ADARB2: variants seen among roughly 807,000 people sequenced by gnomAD.
ADARB2 encodes the protein inactive double-stranded RNA-specific editase B2.
Under a neutral mutation model 62.2 loss-of-function variants are expected in ADARB2, and 25 were observed. That is an observed-to-expected ratio of 0.40 (90% CI 0.29 to 0.56). ADARB2 has a LOEUF of 0.56. Ranked by LOEUF, ADARB2 falls within the 20% of genes least tolerant of loss-of-function variation. The pLI is 0.43. For synonymous variants in ADARB2, 572 were observed against 500.8 expected (o/e 1.14, Z -1.90); for missense variants, 1,071 against 1,077.4 (o/e 0.99, Z 0.08).
chr10:1,324,183 G>A (rs1407176011), intron 3 of ADARB2, among the ~76,000 whole-genome samples: 2 of 152,238 alleles, frequency 1.3e-5, no homozygotes, highest in Non-Finnish European at 2.9e-5. Flanking sequence ...AAATGCAAAT[G>A]AAAACCACAC....
At chr10:1,462,593 G>A (rs1831190052) in intron 1 of ADARB2, among the ~76,000 whole-genome samples, 1 of 151,894 alleles carries the variant, frequency 6.6e-6, no homozygotes, top group African/African-American at 2.4e-5. Context: ...GTACATGAGT[G>A]TATGTGCATG....
At chr10:1,410,418 C>T (rs542806805) in intron 1 of ADARB2, among the ~76,000 whole-genome samples, 2 of 152,142 alleles carry the variant, frequency 1.3e-5, no homozygotes, top group East Asian at 3.9e-4. Flanking sequence ...AAGGTTTGGG[C>T]CAGAGGACTT....
At chr10:1,707,905 T>C (rs1834909608) in intron 1 of ADARB2, among the ~76,000 whole-genome samples, 1 of 152,118 alleles carries the variant, frequency 6.6e-6, no homozygotes, top group African/African-American at 2.4e-5. Flanking sequence ...GTGGGAGAGG[T>C]TGCAGGGGGC....
At position 1,351,469 on chromosome 10, in the gene ADARB2, C is replaced by CT. The variant is rs1339903640; in HGVS notation, c.1077+11558dup. On this transcript the variant is annotated intron_variant, in intron 3 of 9. Transcript: ENST00000381312. Reference sequence around the variant, plus strand: ...TTAGACAATACTCTTTTAAGTACTCCTTTTAGTTATCCCCACCTGCCCAGT... The same window carrying CT: ...TTAGACAATACTCTTTTAAGTACTCCTTTTTAGTTATCCCCACCTGCCCAGT... Among the ~76,000 whole-genome samples the CT allele has an allele frequency of 2.6e-3, 399 of 151,544 alleles. 1 individual carries two copies. Among genetic ancestry groups the CT allele is most frequent in the African/African-American group, 8.1e-3 (335 of 41,300 alleles).
At chr10:1,580,150 C>T (rs557553450) in intron 1 of ADARB2, among the ~76,000 whole-genome samples, 2 of 152,264 alleles carry the variant, frequency 1.3e-5, no homozygotes, top group African/African-American at 4.8e-5. Flanking sequence ...AGTACATGTA[C>T]GTGTTTGTTG....
At chr10:1,475,968 G>A (rs1010368837) in intron 1 of ADARB2, among the ~76,000 whole-genome samples, 1 of 152,166 alleles carries the variant, frequency 6.6e-6, no homozygotes, top group African/African-American at 2.4e-5. Flanking sequence ...TTTTGTCTTG[G>A]AGACAGTTAA....
Position 1,287,509 on chromosome 10 carries a change from G to A in ADARB2, c.1078-16440C>T, listed in dbSNP as rs184280237. ...CCCTCCTGTCTACCTGAAACCTCGC[G>A]TGCTCTGACGGACATCCTAGCCCCT... On this transcript the variant is annotated intron_variant, in intron 3 of 9. Transcript: ENST00000381312. Among the ~76,000 whole-genome samples, 22 of 152,184 alleles carry A rather than the reference G, an allele frequency of 1.4e-4. No individual in the cohort carries two copies. In the East Asian group the frequency reaches 3.3e-3, roughly 23 times the overall value.
intron 1 of ADARB2, among the ~76,000 whole-genome samples, chr10:1,620,447 A>C (rs1033931156): frequency 1.3e-5 from 2 of 152,220 alleles, no homozygotes; most frequent in African/African-American, 4.8e-5. Flanking sequence ...AAATAAAAAA[A>C]CTACAAAAAT....
At chr10:1,531,805 C>A (rs561423126) in intron 1 of ADARB2, among the ~76,000 whole-genome samples, 24 of 152,102 alleles carry the variant, frequency 1.6e-4, no homozygotes, top group Non-Finnish European at 3.5e-4. Context: ...CCACTGCACT[C>A]CAGCCTGGGT....
At chr10:1,224,137 C>T (rs1830722012) in intron 6 of ADARB2, among the ~76,000 whole-genome samples, 1 of 152,100 alleles carries the variant, frequency 6.6e-6, no homozygotes, top group Non-Finnish European at 1.5e-5. Flanking sequence ...TCAGCTTCTT[C>T]CTTGTTTAGT....
At chr10:1,542,821 C>T (rs12761485) in intron 1 of ADARB2, among the ~76,000 whole-genome samples, 37 of 62,134 alleles carry the variant, frequency 6.0e-4, no homozygotes, top group East Asian at 2.6e-3. Flanking sequence ...CACTCAGACG[C>T]AGTTCAGACC....
At chr10:1,331,336 AAGT>A (rs1355751464) in intron 3 of ADARB2, among the ~76,000 whole-genome samples, 2 of 152,246 alleles carry the variant, frequency 1.3e-5, no homozygotes, top group African/African-American at 2.4e-5. Flanking sequence ...AATAGACAAA[AAGT>A]AGAAATGACC....
chr10:1,736,691 T>C (rs1835306310), intron 1 of ADARB2, among the ~76,000 whole-genome samples: 1 of 152,180 alleles, frequency 6.6e-6, no homozygotes, highest in Non-Finnish European at 1.5e-5. Flanking sequence ...CCTTTGGCAC[T>C]GGGAGACGAG....
intron 3 of ADARB2, among the ~76,000 whole-genome samples, chr10:1,286,987 C>T (rs1215175597): frequency 6.6e-6 from 1 of 152,212 alleles, no homozygotes; most frequent in Non-Finnish European, 1.5e-5. Context: ...CCACGTGCCT[C>T]ATCCTTCAAA....
Position 1,179,356 on chromosome 10 carries a change from G to A in ADARB2, c.*3837C>T, listed in dbSNP as rs1389165406. On this transcript the variant is annotated 3_prime_UTR_variant, in exon 10 of 10. Transcript: ENST00000381312. ...GGACTCATCACAAAGTCAGCATGGT[G>A]TGATAGATATATACAGATGTAAAGA... The A allele has an allele frequency of 2.0e-5, 3 of 152,242 alleles. No homozygotes were observed. Among genetic ancestry groups the A allele is most frequent in the East Asian group, 1.9e-4 (1 of 5,204 alleles). 9.4% of individuals were successfully genotyped at this position (152,242 alleles called of 1,614,324 possible). A position where few individuals can be genotyped will look rare whatever the true frequency, so the allele number is the denominator to read the frequency against.
At chr10:1,593,920 T>C (rs958182695) in intron 1 of ADARB2, among the ~76,000 whole-genome samples, 2 of 152,158 alleles carry the variant, frequency 1.3e-5, no homozygotes, top group Non-Finnish European at 2.9e-5. Flanking sequence ...GCCCATCTCA[T>C]GGGATTCGGA....
intron 1 of ADARB2, among the ~76,000 whole-genome samples, chr10:1,408,947 G>C (rs933419382): frequency 6.6e-6 from 1 of 152,194 alleles, no homozygotes; most frequent in Admixed American, 6.5e-5. Flanking sequence ...GGCTGGCCGG[G>C]TTGTGTTCCA....
At position 1,363,577 on chromosome 10, in the gene ADARB2, C is replaced by T. The variant is rs1832282962; in HGVS notation, c.528G>A (p.Lys176=). The T allele has an allele frequency of 1.3e-5, 20 of 1,586,218 alleles. No homozygotes were observed. Among genetic ancestry groups the T allele is most frequent in the Non-Finnish European group, 1.7e-5 (20 of 1,166,760 alleles). ...TFEGTGPTKK[K]AKMRAAELAL... is the part of the protein sequence containing the mutation. ...CCAGCTCCGCCGCGCGCATCTTGGC[C>T]TTCTTCTTGGTGGGGCCTGTGCCCT... Residue 176 remains lysine (K), a synonymous_variant, in exon 3 of 10, where the codon AAG becomes AAA. Transcript: ENST00000381312.
chr10:1,192,605 G>T (rs796321850), intron 8 of ADARB2, among the ~76,000 whole-genome samples: 51 of 152,352 alleles, frequency 3.3e-4, no homozygotes, highest in African/African-American at 1.1e-3. Context: ...AGATGGTAGG[G>T]TTAACTGAGG....
Sources: gnomAD v4.1 joint callset for allele counts (sites outside exome capture counted in the v4.1 genomes callset) on GRCh38, gnomAD v4.1.1 for gene constraint, MANE v1.5 for transcripts, NCBI Gene and HGNC (gene_info 2026-07-23, HGNC 2026-07-21) for gene names.